The following ZC3H12B variants were observed in gnomAD, a reference collection of about 807,000 sequenced individuals.
ZC3H12B encodes the protein probable ribonuclease ZC3H12B.
A neutral mutation model predicts 43.9 loss-of-function variants in ZC3H12B; 7 were observed. The ratio of observed to expected loss-of-function variants is 0.16; its 90% confidence interval spans 0.09 to 0.30. The LOEUF (loss-of-function observed/expected upper bound fraction) is 0.30. ZC3H12B is among the 10% of genes least tolerant of loss of function. ZC3H12B has a pLI of 1.00. For missense variants in ZC3H12B, 475 were observed against 670.2 expected (o/e 0.71, Z 3.22); for synonymous variants, 222 against 241.7 (o/e 0.92, Z 0.76).
At chrX:65,396,573 T>A (rs1406805828) in intron 2 of ZC3H12B, among the ~76,000 whole-genome samples, 1 of 105,689 alleles carries the variant, frequency 9.5e-6, no homozygotes, top group Non-Finnish European at 1.9e-5. Context: ...AGGTTTTTTG[T>A]TTTTGTCTTT....
At chrX:65,159,798 T>C in the ZC3H12B span, among the ~76,000 whole-genome samples, 1 of 111,927 alleles carries the variant, frequency 8.9e-6, no homozygotes, top group African/African-American at 3.2e-5. Flanking sequence ...TCCAACACTA[T>C]GTGGAAGAGG....
chrX:65,095,414 A>T, the ZC3H12B span, among the ~76,000 whole-genome samples: 1 of 111,406 alleles, frequency 9.0e-6, no homozygotes, highest in African/African-American at 3.3e-5. Context: ...TAGATCTGTC[A>T]GATAATTGAG....
At chrX:65,176,270 C>A in the ZC3H12B span, among the ~76,000 whole-genome samples, 1 of 111,501 alleles carries the variant, frequency 9.0e-6, no homozygotes, top group Non-Finnish European at 1.9e-5. Context: ...AAGAAAGCCA[C>A]CAGGAAGATC....
the ZC3H12B span, among the ~76,000 whole-genome samples, chrX:65,107,951 C>A: frequency 8.9e-6 from 1 of 111,788 alleles, no homozygotes; most frequent in Admixed American, 9.6e-5. Context: ...CAAACTTCTC[C>A]AGCTGTTACT....
chrX:65,306,387 C>T, the ZC3H12B span, among the ~76,000 whole-genome samples: 4 of 111,062 alleles, frequency 3.6e-5, no homozygotes, highest in South Asian at 1.5e-3. Flanking sequence ...TTATTTTTTT[C>T]TTAGAGATGG....
chrX:65,116,908 C>A, the ZC3H12B span, among the ~76,000 whole-genome samples: 80 of 112,216 alleles, frequency 7.1e-4, no homozygotes, highest in African/African-American at 2.6e-3. Flanking sequence ...TTTATGACTG[C>A]ATAGTATTCC....
At chrX:65,467,273 C>T (rs1376455852) in intron 3 of ZC3H12B, among the ~76,000 whole-genome samples, 4 of 109,872 alleles carry the variant, frequency 3.6e-5, no homozygotes, top group Non-Finnish European at 7.6e-5. Context: ...CTGCAAAAGA[C>T]ATTATTTTAT....
chrX:65,391,214 AT>A (rs2148031472), intron 2 of ZC3H12B, among the ~76,000 whole-genome samples: 1 of 112,470 alleles, frequency 8.9e-6, no homozygotes, highest in African/African-American at 3.2e-5. Context: ...CTTTTCCAAT[AT>A]AAAAGGTTTA....
the ZC3H12B span, among the ~76,000 whole-genome samples, chrX:65,064,806 C>G: frequency 1.8e-5 from 2 of 111,781 alleles, no homozygotes; most frequent in Admixed American, 9.5e-5. Flanking sequence ...TTAGAACTTG[C>G]TTTATGAATC....
chrX:65,132,319 G>T, the ZC3H12B span, among the ~76,000 whole-genome samples: 1 of 111,274 alleles, frequency 9.0e-6, no homozygotes, highest in African/African-American at 3.3e-5. Context: ...GAGTTTATAG[G>T]TTTTAGAAGC....
At chrX:65,377,916 G>A (rs1277921686) in intron 2 of ZC3H12B, among the ~76,000 whole-genome samples, 1 of 110,499 alleles carries the variant, frequency 9.0e-6, no homozygotes, top group Non-Finnish European at 1.9e-5. Context: ...GGCAAACACG[G>A]TGAAACCCCA....
chrX:65,480,115 G>A (rs1256872577), intron 3 of ZC3H12B, among the ~76,000 whole-genome samples: 1 of 112,500 alleles, frequency 8.9e-6, no homozygotes, highest in Admixed American at 9.4e-5. Flanking sequence ...TGCCAGTGTT[G>A]TCATTGCTTT....
At chrX:65,086,028 C>T in the ZC3H12B span, among the ~76,000 whole-genome samples, 3 of 106,330 alleles carry the variant, frequency 2.8e-5, no homozygotes, top group African/African-American at 1.1e-4. Context: ...CACATTCTAC[C>T]AATTGTGCTA....
At chrX:65,276,982 C>G in the ZC3H12B span, among the ~76,000 whole-genome samples, 1 of 111,220 alleles carries the variant, frequency 9.0e-6, no homozygotes, top group Non-Finnish European at 1.9e-5. Flanking sequence ...AGAAACTCAC[C>G]TCATCTGTAA....
chrX:65,476,681 G>T (rs1355082547), intron 3 of ZC3H12B, among the ~76,000 whole-genome samples: 1 of 111,357 alleles, frequency 9.0e-6, no homozygotes, highest in Non-Finnish European at 1.9e-5. Context: ...GATTTAGTAT[G>T]TTAATGAGTA....
At chrX:65,317,542 C>G in the ZC3H12B span, among the ~76,000 whole-genome samples, 1 of 109,054 alleles carries the variant, frequency 9.2e-6, no homozygotes, top group African/African-American at 3.3e-5. Flanking sequence ...CCACCCTTTC[C>G]TTATGAGTCC....
the ZC3H12B span, among the ~76,000 whole-genome samples, chrX:65,306,666 C>T: frequency 1.8e-5 from 2 of 111,859 alleles, no homozygotes; most frequent in African/African-American, 3.3e-5. Context: ...TGAGCCACTG[C>T]GCCCCGCTCA....
the ZC3H12B span, among the ~76,000 whole-genome samples, chrX:65,065,108 G>C: frequency 1.4e-3 from 152 of 110,964 alleles, no homozygotes; most frequent in African/African-American, 4.8e-3. Flanking sequence ...TTGCCAGTCT[G>C]TATCTTTTAA....
the ZC3H12B span, among the ~76,000 whole-genome samples, chrX:65,172,862 G>T: frequency 8.9e-6 from 1 of 111,889 alleles, no homozygotes; most frequent in Non-Finnish European, 1.9e-5. Flanking sequence ...GTAGTGTGAT[G>T]CCTCCAGCTT....
Sources: allele counts gnomAD v4.1 joint callset (sites outside exome capture counted in the v4.1 genomes callset), GRCh38; gene constraint gnomAD v4.1.1; transcripts MANE v1.5; gene names NCBI Gene and HGNC (gene_info 2026-07-23, HGNC 2026-07-21).